The following IFT52 variants were observed in gnomAD, a reference collection of about 807,000 sequenced individuals.
IFT52 encodes the protein intraflagellar transport protein 52 homolog.
In IFT52, 44 loss-of-function variants were observed where a neutral mutation model predicts 54.4. That is an observed-to-expected ratio of 0.81 (90% CI 0.63 to 1.04). IFT52 has a LOEUF of 1.04. IFT52 is among the 50% of genes least tolerant of loss of function. The pLI, the probability that IFT52 is intolerant of heterozygous loss-of-function variation, is 0.00. For synonymous variants in IFT52, 181 were observed against 185.3 expected (o/e 0.98, Z 0.19); for missense variants, 452 against 523.6 (o/e 0.86, Z 1.33).
chr20:43,591,779 C>T lies in IFT52; in HGVS notation c.-7+725C>T, dbSNP rs6073137. On this transcript the variant is annotated intron_variant, in intron 1 of 13. Coordinates refer to ENST00000373030, the MANE Select transcript of IFT52 (RefSeq NM_016004.5). ...GAAGATGGGTGCAGCAGTGTGGGCCCGTAGTCCTGGCTACTTGGTAGGCTG... is the reference window on the plus strand; with the variant it reads ...GAAGATGGGTGCAGCAGTGTGGGCCTGTAGTCCTGGCTACTTGGTAGGCTG... Among the ~76,000 whole-genome samples, 120 of 152,138 alleles carry T rather than the reference C, an allele frequency of 7.9e-4. 1 individual carries two copies. Among genetic ancestry groups the T allele is most frequent in the African/African-American group, 2.7e-3 (110 of 41,494 alleles).
In IFT52 at chr20:43,635,974, G is replaced by A; in HGVS notation, c.972G>A (p.Gln324=). ...NVKHEPLQLI[Q]PQFETPLPTL... ...AACATGAACCACTCCAGCTCATCCA[G>A]CCTCAGTTTGAGACGCCGCTGCCAA... is the stretch of plus-strand genomic sequence containing the variant. The change falls in exon 11 of 14, where the codon CAG becomes CAA. Residue 324 remains glutamine (Q), a synonymous_variant. Coordinates refer to ENST00000373030, the MANE Select transcript of IFT52 (RefSeq NM_016004.5). 1.2e-6 allele frequency: 2 copies of A among 1,614,206 alleles called. No homozygotes were observed. Among genetic ancestry groups the A allele is most frequent in the Non-Finnish European group, 1.7e-6 (2 of 1,180,034 alleles).
rs535880380 is a variant in IFT52 at position 43,611,859 on chromosome 20, A to G, written c.486-1991A>G. On this transcript the variant is annotated intron_variant, in intron 6 of 13. Coordinates refer to ENST00000373030, the MANE Select transcript of IFT52 (RefSeq NM_016004.5). ...AGCCTGACCAACATGGTGAAACCCC[A>G]TCTTTACTAAAAGTACAAAAAGTAG... is the stretch of plus-strand genomic sequence containing the variant. Among the ~76,000 whole-genome samples, 923 of 151,566 alleles carry G rather than the reference A, an allele frequency of 6.1e-3. 7 individuals are homozygous for G. The highest frequency in any genetic ancestry group is 0.015 in the South Asian group (74 of 4,784).
intron 6 of IFT52, among the ~76,000 whole-genome samples, chr20:43,610,155 G>C (rs1370498894): frequency 6.6e-6 from 1 of 150,874 alleles, no homozygotes; most frequent in East Asian, 2.0e-4. Context: ...AGCCAGACGT[G>C]GTGGCACAAG....
chr20:43,592,736 C>T (rs6124580), intron 1 of IFT52, among the ~76,000 whole-genome samples: 1 of 152,092 alleles, frequency 6.6e-6, no homozygotes, highest in Non-Finnish European at 1.5e-5. Context: ...TCTATATGGC[C>T]TGCAAAATTC....
intron 7 of IFT52, 127 bp downstream of exon 7, chr20:43,614,103 G>A: frequency 2.5e-6 from 2 of 812,292 alleles, no homozygotes; most frequent in Non-Finnish European, 3.9e-6. Flanking sequence ...CTGCAAAGTA[G>A]CATTTCAGCT....
At chr20:43,629,575 A>G (rs986547223) in intron 10 of IFT52, among the ~76,000 whole-genome samples, 1 of 152,122 alleles carries the variant, frequency 6.6e-6, no homozygotes, top group Non-Finnish European at 1.5e-5. Flanking sequence ...CCCGGCCCCA[A>G]CTTAAGTTTT....
intron 12 of IFT52, among the ~76,000 whole-genome samples, chr20:43,640,282 C>G (rs1384493611): frequency 6.6e-6 from 1 of 151,812 alleles, no homozygotes; most frequent in African/African-American, 2.4e-5. Context: ...TGGTAAAACC[C>G]TGTCTCTACT....
At chr20:43,603,661 T>C (rs905672022) in intron 3 of IFT52, 99 bp from the exon 4 acceptor site, 1 of 1,088,552 alleles carries the variant, frequency 9.2e-7, no homozygotes, top group African/African-American at 1.6e-5. Flanking sequence ...CCTTATAGAT[T>C]TGAAATATGT....
chr20:43,595,666 A>C (rs1202353109), intron 2 of IFT52, among the ~76,000 whole-genome samples: 1 of 152,214 alleles, frequency 6.6e-6, no homozygotes, highest in East Asian at 1.9e-4. Flanking sequence ...CAGGCAGATC[A>C]CTAGAGGTCA....
intron 3 of IFT52, 73 bp from the exon 4 acceptor site, chr20:43,603,687 A>T: frequency 7.6e-7 from 1 of 1,324,372 alleles, no homozygotes; most frequent in South Asian, 1.3e-5. Context: ...TCATCTAGTT[A>T]AGGTCTTATT....
Position 43,605,176 on chromosome 20 carries a change from A to C in IFT52, c.485+103A>C, listed in dbSNP as rs907326180. 61 of 1,522,538 alleles carry C rather than the reference A, an allele frequency of 4.0e-5. No homozygotes were observed. The African/African-American group carries it at 7.3e-4, about 18-fold the overall frequency. 94.3% of individuals were successfully genotyped at this position (1,522,538 alleles called of 1,614,324 possible). ...GTTTCTGGTTACAAAAATAATCAGA[A>C]TTTGAACAGTTCAAGAGGAAAAAAG... is the stretch of plus-strand genomic sequence containing the variant. On this transcript the variant is annotated intron_variant, in intron 6 of 13. Coordinates refer to ENST00000373030, the MANE Select transcript of IFT52 (RefSeq NM_016004.5).
intron 7 of IFT52, among the ~76,000 whole-genome samples, chr20:43,614,260 A>G (rs1983685023): frequency 6.8e-6 from 1 of 147,420 alleles, no homozygotes; most frequent in Non-Finnish European, 1.5e-5. Context: ...TTTTTTTGAG[A>G]TGGAGTCTCT....
At chr20:43,607,229 C>G (rs1982984063) in intron 6 of IFT52, among the ~76,000 whole-genome samples, 1 of 145,782 alleles carries the variant, frequency 6.9e-6, no homozygotes, top group Non-Finnish European at 1.5e-5. Context: ...CCCCCACCTC[C>G]CTCCCGGACG....
intron 6 of IFT52, among the ~76,000 whole-genome samples, chr20:43,608,185 A>AGGGAGT (rs1983127874): frequency 1.3e-5 from 2 of 152,032 alleles, no homozygotes; most frequent in South Asian, 2.1e-4. Flanking sequence ...GGAGAGGGAG[A>AGGGAGT]GGGAGTGGGA....
chr20:43,627,338 T>C (rs1439127400), intron 10 of IFT52, among the ~76,000 whole-genome samples: 1 of 152,202 alleles, frequency 6.6e-6, no homozygotes, highest in Non-Finnish European at 1.5e-5. Context: ...TGATGGGTCA[T>C]AAAAAATGAG....
chr20:43,597,383 A>AAGAG (rs779791157), intron 3 of IFT52, among the ~76,000 whole-genome samples: 53 of 150,766 alleles, frequency 3.5e-4, no homozygotes, highest in Non-Finnish European at 6.1e-4. Flanking sequence ...AAAAAAAAAA[A>AAGAG]AGAAAGAAAA....
In IFT52 at chr20:43,645,424, G is replaced by A. The variant is rs542293013; in HGVS notation, c.1267-1512G>A. ...TACAAAAAATTAGCCGGCCGTGTTG[G>A]CGGGTGCCCATAGTCCCAGCTACTC... On this transcript the variant is annotated intron_variant, in intron 13 of 13. Transcript: ENST00000373030. 1.4e-3 allele frequency among the ~76,000 whole-genome samples: 79 copies of A among 55,540 alleles called. 31 individuals carry two copies. The highest frequency in any genetic ancestry group is 4.0e-3 in the African/African-American group (77 of 19,026). 36.4% of individuals were successfully genotyped at this position (55,540 alleles called of 152,430 possible).
At chr20:43,614,336 G>A (rs530237542) in intron 7 of IFT52, among the ~76,000 whole-genome samples, 11 of 151,200 alleles carry the variant, frequency 7.3e-5, no homozygotes, top group African/African-American at 2.4e-4. Flanking sequence ...CCGGGTTCAC[G>A]CCATTCTCCT....
At chr20:43,605,675 C>A (rs1230463466) in intron 6 of IFT52, among the ~76,000 whole-genome samples, 1 of 152,038 alleles carries the variant, frequency 6.6e-6, no homozygotes, top group Non-Finnish European at 1.5e-5. Flanking sequence ...CTAACCAACT[C>A]CCTATTATTG....
Sources: gnomAD v4.1 joint callset for allele counts (sites outside exome capture counted in the v4.1 genomes callset) on GRCh38, gnomAD v4.1.1 for gene constraint, MANE v1.5 for transcripts, NCBI Gene and HGNC (gene_info 2026-07-23, HGNC 2026-07-21) for gene names.